Variants in LRP1B observed in about 807,000 individuals in gnomAD.
LRP1B encodes the protein LDL receptor related protein 1B.
LRP1B carries 217 observed loss-of-function variants against 556.6 expected under a neutral mutation model. The ratio of observed to expected loss-of-function variants is 0.39; its 90% confidence interval spans 0.35 to 0.44. LRP1B has a LOEUF of 0.44. Ranked by LOEUF, LRP1B falls within the 20% of genes least tolerant of loss-of-function variation. LRP1B has a pLI of 1.00. For missense variants in LRP1B, 5,053 were observed against 5,620.8 expected (o/e 0.90, Z 3.23); for synonymous variants, 2,047 against 1,865.8 (o/e 1.10, Z -2.50).
At chr2:141,653,331 A>G (rs556820478) in intron 2 of LRP1B, among the ~76,000 whole-genome samples, 4 of 152,248 alleles carry the variant, frequency 2.6e-5, no homozygotes, top group South Asian at 2.1e-4. Context: ...AAGCTTTTCA[A>G]TGGGAACTAG....
chr2:141,149,692 T>A (rs1392219072), intron 7 of LRP1B, among the ~76,000 whole-genome samples: 1 of 152,106 alleles, frequency 6.6e-6, no homozygotes, highest in African/African-American at 2.4e-5. Context: ...AGTCTTTGCT[T>A]CCCAAGACAA....
chr2:141,212,332 G>T (rs1682597617), intron 6 of LRP1B, among the ~76,000 whole-genome samples: 1 of 120,554 alleles, frequency 8.3e-6, no homozygotes, highest in African/African-American at 3.2e-5. Context: ...AGGCTGGAGT[G>T]CAGTGGCACC....
chr2:142,112,939 T>A (rs1707055922), intron 1 of LRP1B, among the ~76,000 whole-genome samples: 1 of 152,144 alleles, frequency 6.6e-6, no homozygotes, highest in Non-Finnish European at 1.5e-5. Flanking sequence ...TGTAATTCCA[T>A]TCTCTTATTG....
intron 2 of LRP1B, among the ~76,000 whole-genome samples, chr2:141,659,824 C>T (rs1236091865): frequency 2.0e-5 from 3 of 151,986 alleles, no homozygotes; most frequent in Admixed American, 6.6e-5. Flanking sequence ...AACACTATAA[C>T]AAAAATCATA....
At chr2:140,268,432 AT>A (rs1357827667) in intron 86 of LRP1B, among the ~76,000 whole-genome samples, 4 of 151,974 alleles carry the variant, frequency 2.6e-5, no homozygotes, top group Admixed American at 6.6e-5. Flanking sequence ...GCAACTCATT[AT>A]GAATAAAATA....
At chr2:141,331,446 T>C (rs951636422) in intron 3 of LRP1B, among the ~76,000 whole-genome samples, 5 of 152,206 alleles carry the variant, frequency 3.3e-5, no homozygotes, top group Non-Finnish European at 7.3e-5. Context: ...CTGTCACAGC[T>C]GAGGAGCCAT....
intron 1 of LRP1B, among the ~76,000 whole-genome samples, chr2:141,824,444 C>T (rs1211759589): frequency 6.6e-6 from 1 of 152,164 alleles, no homozygotes; most frequent in African/African-American, 2.4e-5. Context: ...ACTGCAAGCT[C>T]CGCCTCCCAG....
intron 85 of LRP1B, among the ~76,000 whole-genome samples, chr2:140,274,066 A>G (rs1413679558): frequency 2.0e-5 from 3 of 152,038 alleles, no homozygotes; most frequent in Non-Finnish European, 2.9e-5. Context: ...GTCAATAACA[A>G]TGATGAAACA....
chr2:141,166,911 T>C (rs1680290594), intron 7 of LRP1B, among the ~76,000 whole-genome samples: 2 of 151,972 alleles, frequency 1.3e-5, no homozygotes, highest in African/African-American at 4.8e-5. Flanking sequence ...ACATTTTTTC[T>C]AACAGTGCAG....
At chr2:140,882,440 A>C (rs1277566184) in intron 25 of LRP1B, among the ~76,000 whole-genome samples, 1 of 152,240 alleles carries the variant, frequency 6.6e-6, no homozygotes, top group Non-Finnish European at 1.5e-5. Flanking sequence ...AGGCTAAGAG[A>C]AACAGCTACT....
chr2:140,460,491 A>G (rs1216603578), intron 60 of LRP1B, among the ~76,000 whole-genome samples: 1 of 152,220 alleles, frequency 6.6e-6, no homozygotes, highest in African/African-American at 2.4e-5. Context: ...ACTGTTGCCT[A>G]AAAATGATGA....
At chr2:141,096,677 AGAGAGAGAGAG>A (rs1700327366) in intron 7 of LRP1B, among the ~76,000 whole-genome samples, 1 of 129,078 alleles carries the variant, frequency 7.7e-6, no homozygotes, top group African/African-American at 2.8e-5. Flanking sequence ...AGAGAGAGAG[AGAGAGAGAGAG>A]AGAAAATAAA....
chr2:140,435,897 T>C (rs1431058650), intron 66 of LRP1B, among the ~76,000 whole-genome samples: 1 of 152,088 alleles, frequency 6.6e-6, no homozygotes, highest in Non-Finnish European at 1.5e-5. Context: ...TCAACGGTTC[T>C]ATTGGAACCA....
chr2:140,576,503 C>T (rs927544115), intron 43 of LRP1B, among the ~76,000 whole-genome samples: 9 of 152,132 alleles, frequency 5.9e-5, no homozygotes, highest in Admixed American at 2.6e-4. Flanking sequence ...ACCATGCCAC[C>T]GGAAGATACA....
At chr2:140,767,240 A>G (rs1026483991) in intron 35 of LRP1B, among the ~76,000 whole-genome samples, 6 of 152,152 alleles carry the variant, frequency 3.9e-5, no homozygotes, top group Middle Eastern at 3.4e-3. Flanking sequence ...TTCTACCTAC[A>G]TGACTATTCT....
rs574462569 is a variant in LRP1B, at chr2:141,093,909, G to A, written c.1014-31636C>T. ...TTTTTGTATTTTTAGTAGAGACAGC[G>A]TTTCACCACATTAGCCAGGCTGGTT... is the stretch of plus-strand genomic sequence containing the variant. On this transcript the variant is annotated intron_variant, in intron 7 of 90. Transcript: ENST00000389484. Among the ~76,000 whole-genome samples, 5 of 152,052 alleles carry A rather than the reference G, an allele frequency of 3.3e-5. No individual in the cohort carries two copies. The South Asian group carries it at 1.0e-3, about 32-fold the overall frequency.
At chr2:141,067,696 C>T (rs6719409) in intron 7 of LRP1B, among the ~76,000 whole-genome samples, 137,635 of 151,982 alleles carry the variant, frequency 0.91, 62,827 homozygotes, top group East Asian at 0.99. Context: ...TCTCTCTTCA[C>T]AGATAATTAG....
At chr2:140,988,453 C>T (rs1573955841) in intron 17 of LRP1B, among the ~76,000 whole-genome samples, 1 of 152,220 alleles carries the variant, frequency 6.6e-6, no homozygotes, top group Non-Finnish European at 1.5e-5. Context: ...GAATAGAAGA[C>T]ATAGACTAGG....
chr2:140,547,811 C>T (rs1258894693), intron 43 of LRP1B, among the ~76,000 whole-genome samples: 1 of 151,898 alleles, frequency 6.6e-6, no homozygotes, highest in Non-Finnish European at 1.5e-5. Context: ...GTGATTTCCG[C>T]TTGCAGAGTT....
Sources: allele counts gnomAD v4.1 joint callset (sites outside exome capture counted in the v4.1 genomes callset), GRCh38; gene constraint gnomAD v4.1.1; transcripts MANE v1.5; gene names NCBI Gene and HGNC (gene_info 2026-07-23, HGNC 2026-07-21).